PTPRG: variants seen among roughly 807,000 people sequenced by gnomAD.
PTPRG encodes the protein receptor-type tyrosine-protein phosphatase gamma.
PTPRG carries 102 observed loss-of-function variants against 165.3 expected under a neutral mutation model. The ratio of observed to expected loss-of-function variants is 0.62; its 90% CI spans 0.53 to 0.73. The LOEUF is 0.73. PTPRG is among the 30% of genes least tolerant of loss of function. The probability of loss-of-function intolerance (pLI) is 0.00; values close to 1 mark genes in which losing one functional copy is unlikely to be tolerated. For synonymous variants in PTPRG, 675 were observed against 669.5 expected (o/e 1.01, Z -0.13); for missense variants, 1,866 against 1,861.4 (o/e 1.00, Z -0.05).
At chr3:62,122,724 GC>G (rs1196598887) in intron 5 of PTPRG, among the ~76,000 whole-genome samples, 1 of 152,070 alleles carries the variant, frequency 6.6e-6, no homozygotes, top group Non-Finnish European at 1.5e-5. Flanking sequence ...CATTATTTTT[GC>G]CAAGTTTTCT....
At chr3:61,857,397 G>A (rs1222209503) in intron 2 of PTPRG, among the ~76,000 whole-genome samples, 1 of 152,114 alleles carries the variant, frequency 6.6e-6, no homozygotes. Flanking sequence ...ACAGCACCAT[G>A]TGTGAATAAA....
In PTPRG at chr3:61,896,183, T is replaced by A. The variant is rs571744409; in HGVS notation, c.191-93442T>A. ...GTTCCAATACCATAAGGATCCCTCA[T>A]GTTTCCCTTTTATAACCACGCCTAC... On this transcript the variant is annotated intron_variant, in intron 2 of 29. Coordinates refer to ENST00000474889, the MANE Select transcript of PTPRG (RefSeq NM_002841.4). Among the ~76,000 whole-genome samples, 3 of 152,168 alleles carry A rather than the reference T, an allele frequency of 2.0e-5. No homozygotes were observed. The East Asian group carries it at 5.8e-4, about 29-fold the overall frequency.
chr3:61,945,901 A>G (rs2039748398), intron 2 of PTPRG, among the ~76,000 whole-genome samples: 2 of 152,208 alleles, frequency 1.3e-5, no homozygotes, highest in Admixed American at 6.5e-5. Context: ...CGAAACACAG[A>G]GACGTGAAGT....
intron 6 of PTPRG, among the ~76,000 whole-genome samples, chr3:62,147,447 A>G (rs1166259005): frequency 6.6e-6 from 1 of 152,182 alleles, no homozygotes; most frequent in Non-Finnish European, 1.5e-5. Context: ...GTCCTACTGA[A>G]TAATGTCAGT....
rs535826676 is a variant in PTPRG, at chr3:62,233,274, G to A, written c.2375+1963G>A. Among the ~76,000 whole-genome samples the A allele has an allele frequency of 6.6e-6, 1 of 152,226 alleles. No homozygotes were observed. Among genetic ancestry groups the A allele is most frequent in the East Asian group, 1.9e-4 (1 of 5,160 alleles). Reference sequence around the variant, plus strand: ...GCCAGATACAGATCCTGTCCTCAAGGGGCGCCATGTCTGTGCTTCTTACGC... The same window carrying A: ...GCCAGATACAGATCCTGTCCTCAAGAGGCGCCATGTCTGTGCTTCTTACGC... On this transcript the variant is annotated intron_variant, in intron 14 of 29. Coordinates refer to ENST00000474889, the MANE Select transcript of PTPRG (RefSeq NM_002841.4). The surrounding 1 kb of genome is among the most constrained non-coding windows in gnomAD (Gnocchi z 4.7).
intron 1 of PTPRG, among the ~76,000 whole-genome samples, chr3:61,591,804 CTGG>C (rs1363807351): frequency 6.6e-6 from 1 of 152,126 alleles, no homozygotes; most frequent in Non-Finnish European, 1.5e-5. Context: ...GGCTTTGGAA[CTGG>C]TAGATAGATA....
chr3:61,637,522 C>T (rs1225382346), intron 1 of PTPRG, among the ~76,000 whole-genome samples: 1 of 152,136 alleles, frequency 6.6e-6, no homozygotes, highest in African/African-American at 2.4e-5. Context: ...TTCTGAATGT[C>T]AAAACTGAGA....
chr3:61,974,385 C>T (rs1484591063), intron 2 of PTPRG, among the ~76,000 whole-genome samples: 1 of 151,962 alleles, frequency 6.6e-6, no homozygotes, highest in Non-Finnish European at 1.5e-5. Flanking sequence ...GAAACCCCAT[C>T]TCTAAAAAAA....
chr3:62,060,211 CAAA>C (rs3068431), intron 4 of PTPRG, among the ~76,000 whole-genome samples: 20,236 of 131,208 alleles, frequency 0.15, 1,524 homozygotes, highest in South Asian at 0.27. Flanking sequence ...GACCCTGTCT[CAAA>C]AAAAAAAAAA....
intron 4 of PTPRG, among the ~76,000 whole-genome samples, chr3:62,062,311 A>G (rs1575953276): frequency 1.3e-5 from 2 of 152,274 alleles, no homozygotes; most frequent in South Asian, 2.1e-4. Flanking sequence ...AAAATTTAGT[A>G]TGGGATTAAA....
At chr3:61,853,744 G>C (rs1163015333) in intron 2 of PTPRG, among the ~76,000 whole-genome samples, 1 of 152,186 alleles carries the variant, frequency 6.6e-6, no homozygotes, top group Non-Finnish European at 1.5e-5. Flanking sequence ...CAGAGTGCTA[G>C]GAAAGTCTTT....
chr3:62,074,211 G>GTGTGTA (rs923780031), intron 4 of PTPRG, among the ~76,000 whole-genome samples: 16 of 150,804 alleles, frequency 1.1e-4, no homozygotes, highest in South Asian at 2.1e-4. Flanking sequence ...GTGTGTGTGT[G>GTGTGTA]TATACAGAGA....
rs761393362 is a variant in PTPRG, at chr3:62,168,169, T to A, written c.1033+6T>A. The A allele has an allele frequency of 1.9e-6, 3 of 1,605,554 alleles. 1 individual carries two copies. The South Asian group carries it at 3.3e-5, about 18-fold the overall frequency. On this transcript the variant is annotated splice_donor_region_variant and intron_variant, in intron 8 of 29. Coordinates refer to ENST00000474889, the MANE Select transcript of PTPRG (RefSeq NM_002841.4). Reference sequence around the variant, plus strand: ...GGGGACAGAAGCCTCTAAAGGTATATTTGGCTTAAGTGCCTTGCCCAGAGG... The same window carrying A: ...GGGGACAGAAGCCTCTAAAGGTATAATTGGCTTAAGTGCCTTGCCCAGAGG...
In PTPRG at chr3:61,940,593, T is replaced by A. The variant is rs150768776; in HGVS notation, c.191-49032T>A. Among the ~76,000 whole-genome samples, 76 of 152,344 alleles carry A rather than the reference T, an allele frequency of 5.0e-4. 1 individual carries two copies. In the East Asian group the frequency reaches 6.7e-3, roughly 14 times the overall value. On this transcript the variant is annotated intron_variant, in intron 2 of 29. Transcript: ENST00000474889. ...TTTGTTCTCTTGGTAGAATTACACA[T>A]TTCTCAAGGGGATTTTATTCTGGTT...
In PTPRG at chr3:62,048,729, T is replaced by C. The variant is rs2106641583; in HGVS notation, c.520-29434T>C. Among the ~76,000 whole-genome samples the C allele has an allele frequency of 2.0e-5, 3 of 152,320 alleles. No individual in the cohort carries two copies. In the South Asian group the frequency reaches 6.2e-4, roughly 32 times the overall value. ...TCAGAAAATCCTAGTGGTCCTTTAT[T>C]CTCTATCTAGAATCATACAAGTTTC... On this transcript the variant is annotated intron_variant, in intron 4 of 29. Transcript: ENST00000474889.
In PTPRG at chr3:61,946,908, C is replaced by A. The variant is rs1180447469; in HGVS notation, c.191-42717C>A. Among the ~76,000 whole-genome samples the A allele has an allele frequency of 3.3e-5, 5 of 152,182 alleles. No homozygotes were observed. The East Asian group carries it at 9.6e-4, about 29-fold the overall frequency. ...TTGAAAATCAGTGAAAACATTTGAA[C>A]AAATTTAGACATGGTATGATGAGAA... On this transcript the variant is annotated intron_variant, in intron 2 of 29. Coordinates refer to ENST00000474889, the MANE Select transcript of PTPRG (RefSeq NM_002841.4).
chr3:62,087,816 T>G (rs966752927), intron 5 of PTPRG, among the ~76,000 whole-genome samples: 3 of 152,224 alleles, frequency 2.0e-5, no homozygotes, highest in African/African-American at 7.2e-5. Context: ...GCCTCTCAGT[T>G]TTGCTGATAG....
chr3:62,046,367 CTG>C (rs1336258600), intron 4 of PTPRG, among the ~76,000 whole-genome samples: 2 of 152,130 alleles, frequency 1.3e-5, no homozygotes, highest in Admixed American at 1.3e-4. Flanking sequence ...TTCTGTGTGA[CTG>C]TCTATCTTTC....
intron 4 of PTPRG, among the ~76,000 whole-genome samples, chr3:62,037,328 T>G (rs950909026): frequency 6.6e-6 from 1 of 152,212 alleles, no homozygotes; most frequent in African/African-American, 2.4e-5. Context: ...ACTTCCTGAT[T>G]GTCTCAATTG....
Sources: gnomAD v4.1 joint callset for allele counts (sites outside exome capture counted in the v4.1 genomes callset) on GRCh38, gnomAD v4.1.1 for gene constraint, Gnocchi (gnomAD v3.1) non-coding constraint, MANE v1.5 for transcripts, NCBI Gene and HGNC (gene_info 2026-07-23, HGNC 2026-07-21) for gene names.